The following GULP1 variants were observed in gnomAD, a reference collection of about 807,000 sequenced individuals.
The protein encoded by GULP1 is PTB domain-containing engulfment adapter protein 1.
In GULP1, 19 loss-of-function variants were observed where a neutral mutation model predicts 40.9. That is an observed-to-expected ratio of 0.46 (90% CI 0.32 to 0.68). The LOEUF (loss-of-function observed/expected upper bound fraction) is 0.68, where lower values mean the gene tolerates loss of function less well. Among genes scored for constraint, GULP1 ranks in the 30% least tolerant of loss-of-function variants. The pLI, the probability that GULP1 is intolerant of heterozygous loss-of-function variation, is 0.03. For synonymous variants in GULP1, 119 were observed against 117.6 expected (o/e 1.01, Z -0.08); for missense variants, 312 against 362.2 (o/e 0.86, Z 1.12).
At chr2:188,368,880 A>G (rs1477017004) in intron 1 of GULP1, among the ~76,000 whole-genome samples, 2 of 144,210 alleles carry the variant, frequency 1.4e-5, no homozygotes, top group African/African-American at 5.1e-5. Flanking sequence ...TTGGGTTAGT[A>G]TAATTCTTTG....
intron 6 of GULP1, among the ~76,000 whole-genome samples, chr2:188,531,399 A>T (rs1687494263): frequency 6.6e-6 from 1 of 152,202 alleles, no homozygotes; most frequent in Admixed American, 6.5e-5. Context: ...CTAACTGTGG[A>T]AATCTGTAGT....
chr2:188,361,142 A>G (rs1244715543), intron 1 of GULP1, among the ~76,000 whole-genome samples: 1 of 152,128 alleles, frequency 6.6e-6, no homozygotes, highest in East Asian at 1.9e-4. Context: ...GCTTTGTAAA[A>G]TTATTTGATA....
At chr2:188,386,506 T>C (rs1346687086) in intron 2 of GULP1, among the ~76,000 whole-genome samples, 12 of 152,188 alleles carry the variant, frequency 7.9e-5, no homozygotes, top group Admixed American at 7.9e-4. Flanking sequence ...TTTGAGAATA[T>C]GAATTAGTGT....
At chr2:188,414,203 C>T (rs1351754909) in intron 2 of GULP1, among the ~76,000 whole-genome samples, 3 of 128,102 alleles carry the variant, frequency 2.3e-5, no homozygotes, top group South Asian at 2.4e-4. Context: ...AGTGACAGAG[C>T]GAGACTCCAT....
chr2:188,416,631 G>T (rs534902362), intron 2 of GULP1, among the ~76,000 whole-genome samples: 243 of 152,214 alleles, frequency 1.6e-3, no homozygotes, highest in Non-Finnish European at 2.7e-3. Context: ...CAGAACCTTG[G>T]CATGGATCAC....
intron 7 of GULP1, among the ~76,000 whole-genome samples, chr2:188,567,706 C>T (rs60584308): frequency 0.011 from 1,662 of 152,102 alleles, 38 homozygotes; most frequent in African/African-American, 0.037. Context: ...CCATGGCACA[C>T]GTATACTGTA....
chr2:188,295,244 T>G (rs564501949), intron 1 of GULP1, among the ~76,000 whole-genome samples: 1 of 152,280 alleles, frequency 6.6e-6, no homozygotes, highest in South Asian at 2.1e-4. Context: ...CAAACAGACT[T>G]TCTTTTCTTA....
intron 9 of GULP1, 32 bp downstream of exon 9, chr2:188,570,152 T>G (rs775067927): frequency 1.0e-5 from 9 of 872,018 alleles, no homozygotes; most frequent in Non-Finnish European, 1.7e-5. Flanking sequence ...AGAAACAAGA[T>G]TTTATGGTGA....
chr2:188,308,666 A>G (rs2037552073), intron 1 of GULP1, among the ~76,000 whole-genome samples: 1 of 152,178 alleles, frequency 6.6e-6, no homozygotes, highest in Non-Finnish European at 1.5e-5. Flanking sequence ...AGACTTACTG[A>G]GGTGCAGATA....
At chr2:188,338,130 C>G (rs1000222250) in intron 1 of GULP1, among the ~76,000 whole-genome samples, 3 of 152,040 alleles carry the variant, frequency 2.0e-5, no homozygotes, top group Non-Finnish European at 4.4e-5. Flanking sequence ...TACCTTCCCT[C>G]TAGATTTAAG....
intron 9 of GULP1, among the ~76,000 whole-genome samples, chr2:188,573,459 G>A (rs1448843100): frequency 1.3e-5 from 2 of 152,174 alleles, no homozygotes; most frequent in Non-Finnish European, 2.9e-5. Flanking sequence ...AGCTTACCAT[G>A]TGTCTGCAAT....
At chr2:188,540,205 T>C (rs559089878) in intron 6 of GULP1, among the ~76,000 whole-genome samples, 1 of 152,048 alleles carries the variant, frequency 6.6e-6, no homozygotes, top group South Asian at 2.1e-4. Context: ...AATAGTTGAT[T>C]TTTCTACTTG....
intron 10 of GULP1, among the ~76,000 whole-genome samples, chr2:188,585,359 C>T (rs887631746): frequency 1.3e-5 from 2 of 152,206 alleles, no homozygotes; most frequent in African/African-American, 4.8e-5. Context: ...CTAGGCAGTG[C>T]CCCAGTGGGG....
intron 2 of GULP1, among the ~76,000 whole-genome samples, chr2:188,432,692 G>C (rs2057002106): frequency 6.6e-6 from 1 of 151,898 alleles, no homozygotes; most frequent in East Asian, 1.9e-4. Context: ...TGATTCTGAA[G>C]ACATTTTAAA....
chr2:188,449,991 CTTAT>C (rs1183084237), intron 2 of GULP1, among the ~76,000 whole-genome samples: 1 of 152,100 alleles, frequency 6.6e-6, no homozygotes, highest in Non-Finnish European at 1.5e-5. Context: ...TAGATTTCAG[CTTAT>C]TTATTCTAAA....
intron 1 of GULP1, among the ~76,000 whole-genome samples, chr2:188,295,403 G>A (rs1291762245): frequency 1.3e-5 from 2 of 152,036 alleles, no homozygotes; most frequent in Non-Finnish European, 2.9e-5. Flanking sequence ...TGATTTCTGT[G>A]CATGTTATTT....
intron 1 of GULP1, among the ~76,000 whole-genome samples, chr2:188,333,581 A>C (rs2152074289): frequency 6.6e-6 from 1 of 152,278 alleles, no homozygotes; most frequent in Admixed American, 6.5e-5. Context: ...TAGCTTAAGG[A>C]AAATAAAGGA....
intron 2 of GULP1, among the ~76,000 whole-genome samples, chr2:188,446,759 T>C (rs949591411): frequency 2.0e-5 from 3 of 152,228 alleles, no homozygotes; most frequent in Admixed American, 6.5e-5. Flanking sequence ...TTTGAACTTA[T>C]ATGGATGAAG....
At chr2:188,311,349 A>G (rs971756610) in intron 1 of GULP1, among the ~76,000 whole-genome samples, 2 of 152,100 alleles carry the variant, frequency 1.3e-5, no homozygotes, top group African/African-American at 2.4e-5. Flanking sequence ...GGCATGCGCC[A>G]CCGTGCCCAG....
Sources: allele counts gnomAD v4.1 joint callset (sites outside exome capture counted in the v4.1 genomes callset), GRCh38; gene constraint gnomAD v4.1.1; transcripts MANE v1.5; gene names NCBI Gene and HGNC (gene_info 2026-07-23, HGNC 2026-07-21).